Variants in ZDHHC11B observed in about 807,000 individuals in gnomAD.
ZDHHC11B encodes zDHHC palmitoyltransferase 11B (putative), also known as probable palmitoyltransferase ZDHHC11B.
Under a neutral mutation model 42.3 loss-of-function variants are expected in ZDHHC11B, and 17 were observed. That is an observed-to-expected ratio of 0.40 (90% confidence interval 0.27 to 0.60). The LOEUF (loss-of-function observed/expected upper bound fraction) is 0.60. Ranked by LOEUF, ZDHHC11B falls within the 20% of genes least tolerant of loss-of-function variation. The pLI, the probability that ZDHHC11B is intolerant of heterozygous loss-of-function variation, is 0.41. For missense variants in ZDHHC11B, 262 were observed against 463.2 expected, an observed-to-expected ratio of 0.57 and a Z score of 3.99; for synonymous variants, 123 against 193.5, an observed-to-expected ratio of 0.64 and a Z score of 3.02.
At chr5:742,543 G>A (rs1398451908) in intron 9 of ZDHHC11B, among the ~76,000 whole-genome samples, 2 of 144,284 alleles carry the variant, frequency 1.4e-5, no homozygotes, top group African/African-American at 2.5e-5. Flanking sequence ...CAAGTATGTC[G>A]GCGCCATTTT....
intron 12 of ZDHHC11B, among the ~76,000 whole-genome samples, chr5:726,228 G>A (rs1187462780): frequency 6.6e-6 from 1 of 151,626 alleles, no homozygotes; most frequent in Non-Finnish European, 1.5e-5. Flanking sequence ...TCCCCGTGTG[G>A]CAAAGCGTGA....
At chr5:747,883 C>T in intron 8 of ZDHHC11B, 1 of 233,552 alleles carries the variant, frequency 4.3e-6, no homozygotes, top group Non-Finnish European at 8.1e-6. Context: ...GGGGAGTTTA[C>T]CCTCCGTCGT....
Position 748,742 on chromosome 5 carries a change from G to T in ZDHHC11B, c.629-183C>A, listed in dbSNP as rs548116380. 3.8e-5 allele frequency among the ~76,000 whole-genome samples: 5 copies of T among 129,876 alleles called. 2 individuals are homozygous for T. Among genetic ancestry groups the T allele is most frequent in the Non-Finnish European group, 8.6e-5 (5 of 58,316 alleles). 85.2% of individuals were successfully genotyped at this position (129,876 alleles called of 152,430 possible). A position where few individuals can be genotyped will look rare whatever the true frequency, so the allele number is the denominator to read the frequency against. On this transcript the variant is annotated intron_variant, in intron 7 of 13. Transcript: ENST00000508859. ...TGCCCCATGGGCCCTGCTGACTGAG[G>T]TTGGTTTTCATGATCCCTGCTTTAT...
intron 9 of ZDHHC11B, among the ~76,000 whole-genome samples, chr5:744,870 CAAA>C (rs375791362): frequency 9.2e-5 from 12 of 129,924 alleles, no homozygotes; most frequent in Admixed American, 3.3e-4. Context: ...GACTCTGTCT[CAAA>C]AAAAAAAAAA....
chr5:758,751 C>T (rs1734186135), intron 4 of ZDHHC11B, among the ~76,000 whole-genome samples: 1 of 151,940 alleles, frequency 6.6e-6, no homozygotes, highest in African/African-American at 2.4e-5. Flanking sequence ...TTCATGGAAC[C>T]AGGTTGAAGC....
At chr5:741,139 G>A (rs1230134614) in intron 10 of ZDHHC11B, among the ~76,000 whole-genome samples, 1 of 127,344 alleles carries the variant, frequency 7.9e-6, no homozygotes, top group Non-Finnish European at 1.7e-5. Context: ...GCCAGCCCTG[G>A]CCCTGTTGGG....
At chr5:771,213 G>T (rs979210894) in intron 1 of ZDHHC11B, among the ~76,000 whole-genome samples, 2 of 151,994 alleles carry the variant, frequency 1.3e-5, no homozygotes, top group South Asian at 2.1e-4. Context: ...CGCCAGTCAT[G>T]GCCAAAGTGT....
At chr5:758,752 AGGTTGAAGCAAATCTTTCACCG>A (rs1426143983) in intron 4 of ZDHHC11B, among the ~76,000 whole-genome samples, 2 of 151,862 alleles carry the variant, frequency 1.3e-5, no homozygotes, top group East Asian at 3.9e-4. Context: ...TCATGGAACC[AGGTTGAAGCAAATCTTTCACCG>A]CACACTAGGG....
chr5:777,537 A>AATGG (rs1435232353), intron 1 of ZDHHC11B, among the ~76,000 whole-genome samples: 1 of 151,842 alleles, frequency 6.6e-6, no homozygotes, highest in Non-Finnish European at 1.5e-5. Flanking sequence ...CGGAGAAGAG[A>AATGG]ATGGAGTCAG....
rs552010942 is a variant in ZDHHC11B, at chr5:717,387, GGA to G, written c.1059-524_1059-523del. ...GTTTATGTGTGCTGGGCAGCTGGCA[GGA>G]GAGGTGACCGTGTTGCTGCCCAGAC... On this transcript the variant is annotated intron_variant, in intron 12 of 13. Transcript: ENST00000508859. Among the ~76,000 whole-genome samples, 1,025 of 151,786 alleles carry G rather than the reference GGA, an allele frequency of 6.8e-3. 18 individuals carry two copies. The highest frequency in any genetic ancestry group is 0.024 in the Middle Eastern group (7 of 294).
chr5:714,118 G>A (rs1011195230), intron 13 of ZDHHC11B, among the ~76,000 whole-genome samples: 12 of 133,526 alleles, frequency 9.0e-5, no homozygotes, highest in Non-Finnish European at 1.5e-4. Flanking sequence ...ACGCGCACGC[G>A]TGCACACACA....
intron 12 of ZDHHC11B, among the ~76,000 whole-genome samples, chr5:721,398 CT>C (rs1247192730): frequency 2.0e-5 from 3 of 151,502 alleles, no homozygotes; most frequent in East Asian, 1.9e-4. Context: ...ATAGATTGAA[CT>C]TTTTAATTAA....
chr5:757,535 T>C (rs1226662940), intron 4 of ZDHHC11B, among the ~76,000 whole-genome samples: 2 of 151,910 alleles, frequency 1.3e-5, no homozygotes, highest in Non-Finnish European at 2.9e-5. Flanking sequence ...AGGGTTTTTA[T>C]GCAGCAGCCC....
intron 8 of ZDHHC11B, chr5:747,937 C>T (rs1745053196): frequency 3.0e-6 from 1 of 332,484 alleles, no homozygotes; most frequent in African/African-American, 2.1e-5. Flanking sequence ...CACTGTGAGA[C>T]CAAGCAAGAC....
At chr5:757,741 T>A (rs1734057930) in intron 4 of ZDHHC11B, among the ~76,000 whole-genome samples, 1 of 151,810 alleles carries the variant, frequency 6.6e-6, no homozygotes, top group South Asian at 2.1e-4. Flanking sequence ...AGACTCTGTG[T>A]GTGCAGACAT....
chr5:719,254 C>CA (rs1173072795), intron 12 of ZDHHC11B, among the ~76,000 whole-genome samples: 4 of 151,426 alleles, frequency 2.6e-5, no homozygotes, highest in Admixed American at 1.3e-4. Flanking sequence ...CAGTTTTTAA[C>CA]AAAAAAAGAA....
chr5:745,421 C>G, intron 8 of ZDHHC11B, 123 bp from the exon 9 acceptor site: 1 of 843,782 alleles, frequency 1.2e-6, no homozygotes, highest in Non-Finnish European at 1.9e-6. Flanking sequence ...GAGAACTGCT[C>G]CGCCCACCAT....
At chr5:743,595 T>C (rs530221045) in intron 9 of ZDHHC11B, among the ~76,000 whole-genome samples, 4 of 149,814 alleles carry the variant, frequency 2.7e-5, no homozygotes, top group South Asian at 2.2e-4. Context: ...TCAGTCATGG[T>C]GTGTAGCTTT....
intron 12 of ZDHHC11B, among the ~76,000 whole-genome samples, chr5:729,718 A>G (rs1561123340): frequency 6.6e-6 from 1 of 151,288 alleles, no homozygotes; most frequent in Non-Finnish European, 1.5e-5. Context: ...AAAATGTTGT[A>G]TAAAGCTGCT....
Sources: allele counts gnomAD v4.1 joint callset (sites outside exome capture counted in the v4.1 genomes callset), GRCh38; gene constraint gnomAD v4.1.1; transcripts MANE v1.5; gene names NCBI Gene and HGNC (gene_info 2026-07-23, HGNC 2026-07-21).